CDC14B: variants seen among roughly 807,000 people sequenced by gnomAD.
CDC14B encodes the protein dual specificity protein phosphatase CDC14B.
CDC14B carries 22 observed loss-of-function variants against 64.2 expected under a neutral mutation model. The ratio of observed to expected loss-of-function variants is 0.34; its 90% CI spans 0.24 to 0.49. The LOEUF is 0.49. Among genes scored for constraint, CDC14B ranks in the 20% least tolerant of loss-of-function variants. CDC14B has a pLI of 0.99. For missense variants in CDC14B, 498 were observed against 629.9 expected (o/e 0.79, Z 2.24); for synonymous variants, 191 against 215.8 (o/e 0.89, Z 1.01).
chr9:96,564,847 T>G lies in CDC14B; in HGVS notation c.257A>C (p.Tyr86Ser). The change falls in exon 3 of 14, where the codon TAC (tyrosine) becomes TCC (serine). Residue 86 changes from tyrosine to serine, a missense_variant. Tyr to Ser is a moderately radical substitution (Grantham distance 144). Coordinates refer to ENST00000375241, the MANE Select transcript of CDC14B (RefSeq NM_033331.4). ...IDNELEYENF[Y>S]ADFGPLNLAM... ...CAGATTGAGTGGTCCAAAATCTGCG[T>G]AGAAGCTTTAAAAATGAAAAATAAA... The G allele has an allele frequency of 6.3e-7, 1 of 1,593,716 alleles. No individual in the cohort carries two copies. The highest frequency in any genetic ancestry group is 8.6e-7 in the Non-Finnish European group (1 of 1,168,148).
intron 4 of CDC14B, among the ~76,000 whole-genome samples, chr9:96,555,098 C>T (rs1222466429): frequency 1.3e-5 from 2 of 152,206 alleles, no homozygotes; most frequent in East Asian, 1.9e-4. Context: ...CAGCTGTGAT[C>T]GCCAGCTTCC....
At chr9:96,609,266 A>C in intron 1 of CDC14B, among the ~76,000 whole-genome samples, 1 of 152,128 alleles carries the variant, frequency 6.6e-6, no homozygotes. Context: ...CGCCCAGACC[A>C]AATTATTCAT....
intron 1 of CDC14B, among the ~76,000 whole-genome samples, chr9:96,585,521 GA>G (rs1845408792): frequency 6.6e-6 from 1 of 151,994 alleles, no homozygotes; most frequent in Non-Finnish European, 1.5e-5. Flanking sequence ...ATAAGCCCAT[GA>G]AAAAAGCATT....
chr9:96,568,780 G>A (rs1035530496), intron 1 of CDC14B, among the ~76,000 whole-genome samples: 74 of 152,262 alleles, frequency 4.9e-4, no homozygotes, highest in Admixed American at 1.8e-3. Context: ...AGCCAGTCGT[G>A]GTGGTGCATG....
At chr9:96,497,638 C>T (rs566657849), downstream of CDC14B, among the ~76,000 whole-genome samples, 133 of 152,194 alleles carry the variant, frequency 8.7e-4, no homozygotes, top group Non-Finnish European at 1.6e-3. Context: ...CGGGCAGCGG[C>T]GACTGTGCAT....
intron 5 of CDC14B, among the ~76,000 whole-genome samples, chr9:96,545,327 T>TCC: frequency 6.8e-6 from 1 of 147,326 alleles, no homozygotes; most frequent in African/African-American, 2.7e-5. Flanking sequence ...TATGATTATT[T>TCC]TCTTTTTTTT....
chr9:96,514,528 A>G, intron 12 of CDC14B: 1 of 985,452 alleles, frequency 1.0e-6, no homozygotes, highest in Non-Finnish European at 1.2e-6. Context: ...GAAGAGTGAA[A>G]TCAGCTTGAT....
At chr9:96,604,700 G>GA (rs1846761966) in intron 1 of CDC14B, among the ~76,000 whole-genome samples, 1 of 146,926 alleles carries the variant, frequency 6.8e-6, no homozygotes, top group Non-Finnish European at 1.5e-5. Flanking sequence ...ACAGAGTCTT[G>GA]CTCTGTCCCC....
At chr9:96,589,572 G>A (rs923012312) in intron 1 of CDC14B, among the ~76,000 whole-genome samples, 3 of 152,094 alleles carry the variant, frequency 2.0e-5, no homozygotes, top group African/African-American at 7.2e-5. Flanking sequence ...ATCTTCAGGA[G>A]CCTAATGTAA....
chr9:96,582,228 CA>C (rs1445314196), intron 1 of CDC14B, among the ~76,000 whole-genome samples: 1 of 152,186 alleles, frequency 6.6e-6, no homozygotes, highest in Admixed American at 6.5e-5. Flanking sequence ...TTCTTAGAAG[CA>C]AAATTTATCC....
chr9:96,596,417 A>G (rs1440842613), intron 1 of CDC14B, among the ~76,000 whole-genome samples: 1 of 151,906 alleles, frequency 6.6e-6, no homozygotes, highest in Non-Finnish European at 1.5e-5. Flanking sequence ...AAATGGCCCA[A>G]ACTGAACTTT....
At chr9:96,551,727 AAAC>A in intron 5 of CDC14B, 66 bp downstream of exon 5, 1 of 1,570,282 alleles carries the variant, frequency 6.4e-7, no homozygotes, top group Non-Finnish European at 8.6e-7. Flanking sequence ...CTTTTTTCAG[AAAC>A]AACTATCAAG....
chr9:96,528,995 A>G (rs1045989388), intron 9 of CDC14B, among the ~76,000 whole-genome samples: 2 of 152,164 alleles, frequency 1.3e-5, no homozygotes, highest in African/African-American at 4.8e-5. Flanking sequence ...CTGGATGTTA[A>G]TCCCTTATCA....
intron 1 of CDC14B, among the ~76,000 whole-genome samples, chr9:96,618,925 G>T (rs905402346): frequency 1.3e-5 from 2 of 152,222 alleles, no homozygotes; most frequent in African/African-American, 4.8e-5. Context: ...TCGAGGCGCC[G>T]GGCTGACGCC....
chr9:96,610,825 T>A (rs1588078833), intron 1 of CDC14B, among the ~76,000 whole-genome samples: 1 of 152,178 alleles, frequency 6.6e-6, no homozygotes, highest in Non-Finnish European at 1.5e-5. Flanking sequence ...TCGCAGAAAC[T>A]ACTTTCAGTA....
At position 96,619,300 on chromosome 9, in the gene CDC14B, C is replaced by T. The variant is rs1847835675; in HGVS notation, c.79G>A (p.Gly27Ser). 3 of 1,321,660 alleles carry T rather than the reference C, an allele frequency of 2.3e-6. No homozygotes were observed. In the East Asian group the frequency reaches 8.6e-5, roughly 38 times the overall value. The allele number at this position is 1,321,660 out of a possible 1,614,324, so 81.9% of individuals were successfully genotyped here. The change falls in exon 1 of 14, where the codon GGT (glycine) becomes AGT (serine). Residue 27 changes from glycine (G) to serine (S), a missense_variant. Gly to Ser is a moderately conservative substitution (Grantham distance 56). Coordinates refer to ENST00000375241, the MANE Select transcript of CDC14B (RefSeq NM_033331.4). ...GTGGAGCTGCGGATCTTCTTCACAC[C>T]CGGCGAGGTCGACGAGCAGCGCCGC... ...CSRRCSSTSPGVKKIRSSTQQ... is the reference protein window; with the variant it reads ...CSRRCSSTSPSVKKIRSSTQQ...
intron 5 of CDC14B, among the ~76,000 whole-genome samples, chr9:96,547,805 G>A (rs946078930): frequency 5.9e-5 from 9 of 151,788 alleles, no homozygotes; most frequent in Non-Finnish European, 1.3e-4. Context: ...AACTCCTTGA[G>A]AGAGAATGTA....
Position 96,501,079 on chromosome 9 carries a change from G to A in CDC14B, c.*2674C>T, listed in dbSNP as rs146755174. ...GGAGGCCGCAGAGCTGCGTGCTGCCGGGAAGCACTGGCCACGCCAGGCCAT... is the reference window on the plus strand; with the variant it reads ...GGAGGCCGCAGAGCTGCGTGCTGCCAGGAAGCACTGGCCACGCCAGGCCAT... On this transcript the variant is annotated 3_prime_UTR_variant, in exon 14 of 14. Transcript: ENST00000375241. 253 of 152,448 alleles carry A rather than the reference G, an allele frequency of 1.7e-3. 2 individuals are homozygous for A. Among genetic ancestry groups the A allele is most frequent in the Admixed American group, 2.6e-3 (40 of 15,304 alleles). The allele number at this position is 152,448 out of a possible 1,614,324, so 9.4% of individuals were successfully genotyped here. A position where few individuals can be genotyped will look rare whatever the true frequency, so the allele number is the denominator to read the frequency against.
rs575664446 is a variant in CDC14B, at chr9:96,515,218, T to C, written c.1344-5429A>G. On this transcript the variant is annotated intron_variant, in intron 12 of 13. Coordinates refer to ENST00000375241, the MANE Select transcript of CDC14B (RefSeq NM_033331.4). The surrounding 1 kb of genome is among the most constrained non-coding windows in gnomAD (Gnocchi z 4.3). ...AATGAAAGTAGATCAGTGGGAAAAA[T>C]GCTTCTTTGCTAGACTGGGAAGGAC... Among the ~76,000 whole-genome samples the C allele has an allele frequency of 9.5e-4, 144 of 152,168 alleles. No individual in the cohort carries two copies. The highest frequency in any genetic ancestry group is 1.4e-3 in the Non-Finnish European group (96 of 68,036).
Sources: allele counts gnomAD v4.1 joint callset (sites outside exome capture counted in the v4.1 genomes callset), GRCh38; gene constraint gnomAD v4.1.1; non-coding constraint Gnocchi (gnomAD v3.1); transcripts MANE v1.5; gene names NCBI Gene and HGNC (gene_info 2026-07-23, HGNC 2026-07-21).